The following SRPK2 variants were observed in gnomAD, a reference collection of about 807,000 sequenced individuals.
The protein encoded by SRPK2 is SRSF protein kinase 2.
A neutral mutation model predicts 90.8 loss-of-function variants in SRPK2; 21 were observed. The ratio of observed to expected loss-of-function variants is 0.23; its 90% confidence interval spans 0.16 to 0.33. The LOEUF is 0.33. Among genes scored for constraint, SRPK2 ranks in the 10% least tolerant of loss-of-function variants. The pLI is 1.00. For synonymous variants in SRPK2, 288 were observed against 311.1 expected (o/e 0.93, Z 0.78); for missense variants, 620 against 869.0 (o/e 0.71, Z 3.60).
At chr7:105,256,447 C>T (rs1803322571) in intron 2 of SRPK2, among the ~76,000 whole-genome samples, 2 of 152,130 alleles carry the variant, frequency 1.3e-5, no homozygotes, top group Admixed American at 1.3e-4. Flanking sequence ...CCTCAAACTC[C>T]CAGGCTCAAG....
At chr7:105,335,895 G>A (rs1161220840) in intron 2 of SRPK2, among the ~76,000 whole-genome samples, 1 of 151,994 alleles carries the variant, frequency 6.6e-6, no homozygotes, top group Non-Finnish European at 1.5e-5. Context: ...GGCAGAGGTT[G>A]CGGTGAGCCG....
chr7:105,245,973 C>A (rs1015279868), intron 2 of SRPK2, among the ~76,000 whole-genome samples: 2 of 152,084 alleles, frequency 1.3e-5, no homozygotes, highest in Non-Finnish European at 2.9e-5. Flanking sequence ...CTGTTGTAGA[C>A]CCTGGCAATT....
intron 2 of SRPK2, among the ~76,000 whole-genome samples, chr7:105,283,705 T>C (rs1373678315): frequency 6.6e-6 from 1 of 152,170 alleles, no homozygotes; most frequent in East Asian, 1.9e-4. Flanking sequence ...TTTCAAAATA[T>C]TGTGAATATG....
At chr7:105,196,019 T>G (rs1307758327) in intron 3 of SRPK2, among the ~76,000 whole-genome samples, 1 of 152,222 alleles carries the variant, frequency 6.6e-6, no homozygotes, top group African/African-American at 2.4e-5. Flanking sequence ...TTGCACATCA[T>G]CAAGCCTCAA....
chr7:105,197,571 C>T (rs964173542), intron 3 of SRPK2, among the ~76,000 whole-genome samples: 7 of 152,146 alleles, frequency 4.6e-5, no homozygotes, highest in Non-Finnish European at 7.3e-5. Context: ...AAACAAAATA[C>T]GTACTGCATT....
chr7:105,358,084 C>T (rs1056209331), intron 2 of SRPK2, among the ~76,000 whole-genome samples: 1 of 151,756 alleles, frequency 6.6e-6, no homozygotes, highest in Middle Eastern at 3.4e-3. Flanking sequence ...ATTAGTTGGG[C>T]GTGCTGGCAT....
At chr7:105,343,571 A>C (rs961224267) in intron 2 of SRPK2, among the ~76,000 whole-genome samples, 40 of 152,342 alleles carry the variant, frequency 2.6e-4, no homozygotes, top group Non-Finnish European at 4.7e-4. Context: ...CTCCACCAGA[A>C]TATAGGCTCC....
At chr7:105,218,920 C>A (rs1376521126) in intron 2 of SRPK2, among the ~76,000 whole-genome samples, 3 of 151,186 alleles carry the variant, frequency 2.0e-5, no homozygotes, top group African/African-American at 7.3e-5. Context: ...AATCAAGGAA[C>A]AAGAAATTCA....
intron 2 of SRPK2, among the ~76,000 whole-genome samples, chr7:105,363,316 TAAAC>T (rs1177370861): frequency 6.6e-6 from 1 of 151,904 alleles, no homozygotes; most frequent in Non-Finnish European, 1.5e-5. Context: ...ACAAAGAACT[TAAAC>T]AAATTTACAA....
intron 2 of SRPK2, among the ~76,000 whole-genome samples, chr7:105,328,245 T>C (rs1376702029): frequency 6.6e-6 from 1 of 152,132 alleles, no homozygotes; most frequent in African/African-American, 2.4e-5. Context: ...TAAATCAATA[T>C]GCAGCCCAAT....
At chr7:105,285,435 A>G (rs1388494490) in intron 2 of SRPK2, among the ~76,000 whole-genome samples, 1 of 151,858 alleles carries the variant, frequency 6.6e-6, no homozygotes, top group Non-Finnish European at 1.5e-5. Context: ...AAGAAACAGC[A>G]TTTTAAGCAT....
intron 9 of SRPK2, among the ~76,000 whole-genome samples, chr7:105,145,020 C>T (rs961506269): frequency 6.7e-6 from 1 of 150,150 alleles, no homozygotes; most frequent in Admixed American, 6.7e-5. Context: ...GCACAAGAAT[C>T]GTTTGAACCA....
At chr7:105,345,212 G>A (rs1327067282) in intron 2 of SRPK2, among the ~76,000 whole-genome samples, 1 of 151,604 alleles carries the variant, frequency 6.6e-6, no homozygotes, top group Non-Finnish European at 1.5e-5. Flanking sequence ...GGGGAAGGGA[G>A]GAAAGGAAAC....
intron 2 of SRPK2, among the ~76,000 whole-genome samples, chr7:105,319,368 A>C (rs1006825398): frequency 2.0e-5 from 3 of 152,106 alleles, no homozygotes; most frequent in Non-Finnish European, 4.4e-5. Context: ...ATTTTTTTTA[A>C]CATTATCAAG....
chr7:105,167,828 C>T (rs1790279688), intron 5 of SRPK2, among the ~76,000 whole-genome samples, 180 bp downstream of exon 5: 1 of 152,080 alleles, frequency 6.6e-6, no homozygotes, highest in Non-Finnish European at 1.5e-5. Flanking sequence ...CCAGGCTGGT[C>T]TCGAACTCTT....
chr7:105,196,555 G>C (rs760037256), intron 3 of SRPK2, among the ~76,000 whole-genome samples: 5 of 152,142 alleles, frequency 3.3e-5, no homozygotes, highest in Non-Finnish European at 4.4e-5. Flanking sequence ...GATGCCAGTA[G>C]CAGCCCGTCA....
intron 2 of SRPK2, among the ~76,000 whole-genome samples, chr7:105,314,783 T>C (rs1017486744): frequency 3.9e-5 from 6 of 152,126 alleles, no homozygotes; most frequent in African/African-American, 7.2e-5. Context: ...ACATTACATA[T>C]AACAAAAGAA....
At chr7:105,393,057 G>A (rs1293366137), upstream of SRPK2, among the ~76,000 whole-genome samples, 4 of 151,766 alleles carry the variant, frequency 2.6e-5, 1 homozygote, top group Admixed American at 2.0e-4. Flanking sequence ...GCAGTGGCGC[G>A]ATCTTGGCCT....
intron 2 of SRPK2, among the ~76,000 whole-genome samples, chr7:105,250,502 A>T (rs1378387047): frequency 6.6e-6 from 1 of 152,146 alleles, no homozygotes; most frequent in African/African-American, 2.4e-5. Flanking sequence ...GTAATTTCAC[A>T]TTTGGAGATA....
Sources: allele counts gnomAD v4.1 joint callset (sites outside exome capture counted in the v4.1 genomes callset), GRCh38; gene constraint gnomAD v4.1.1; transcripts MANE v1.5; gene names NCBI Gene and HGNC (gene_info 2026-07-23, HGNC 2026-07-21).